The following GOLM2 variants were observed in gnomAD, a reference collection of about 807,000 sequenced individuals.
GOLM2 encodes protein GOLM2.
GOLM2 carries 26 observed loss-of-function variants against 55.9 expected under a neutral mutation model. The ratio of observed to expected loss-of-function variants is 0.47; its 90% confidence interval spans 0.34 to 0.65. GOLM2 has a LOEUF of 0.65. Among genes scored for constraint, GOLM2 ranks in the 30% least tolerant of loss-of-function variants. The probability of loss-of-function intolerance (pLI) is 0.01; values close to 1 mark genes in which losing one functional copy is unlikely to be tolerated. For synonymous variants in GOLM2, 165 were observed against 194.6 expected (o/e 0.85, Z 1.27); for missense variants, 486 against 531.8 (o/e 0.91, Z 0.85).
intron 6 of GOLM2, among the ~76,000 whole-genome samples, chr15:44,363,010 AT>A (rs2079253143): frequency 6.6e-6 from 1 of 152,198 alleles, no homozygotes; most frequent in Admixed American, 6.5e-5. Flanking sequence ...CTGAAGCTGG[AT>A]CCCTTCCTTA....
At chr15:44,303,019 A>G (rs2078809826) in intron 1 of GOLM2, among the ~76,000 whole-genome samples, 3 of 151,956 alleles carry the variant, frequency 2.0e-5, no homozygotes, top group Non-Finnish European at 2.9e-5. Context: ...AGGAGAATCA[A>G]TTGAACCTGG....
At chr15:44,382,935 A>G (rs1400623728) in intron 8 of GOLM2, among the ~76,000 whole-genome samples, 16 of 150,932 alleles carry the variant, frequency 1.1e-4, no homozygotes, top group African/African-American at 2.2e-4. Flanking sequence ...AAAAAAAAAA[A>G]AAAGAAAAGA....
intron 1 of GOLM2, among the ~76,000 whole-genome samples, chr15:44,316,287 T>G (rs2141124633): frequency 6.6e-6 from 1 of 151,932 alleles, no homozygotes; most frequent in African/African-American, 2.4e-5. Context: ...TCACAGCTAC[T>G]GAGTTCGAGT....
At chr15:44,336,285 T>C (rs1233362543) in intron 4 of GOLM2, among the ~76,000 whole-genome samples, 1 of 151,612 alleles carries the variant, frequency 6.6e-6, no homozygotes, top group Non-Finnish European at 1.5e-5. Flanking sequence ...CCCGGCTAAT[T>C]TTTTGTATTT....
At chr15:44,369,206 ATGTGTGTGTG>A (rs551489001) in intron 6 of GOLM2, among the ~76,000 whole-genome samples, 2 of 110,192 alleles carry the variant, frequency 1.8e-5, no homozygotes, top group Admixed American at 9.1e-5. Context: ...ATATATATAT[ATGTGTGTGTG>A]TGTGTGTGTG....
At chr15:44,332,168 C>T (rs1244662979) in intron 4 of GOLM2, 90 bp downstream of exon 4, 21 of 718,384 alleles carry the variant, frequency 2.9e-5, no homozygotes, top group Non-Finnish European at 4.7e-5. Context: ...TCACAAAACA[C>T]TATATTTTAA....
At chr15:44,343,228 G>A (rs1280859304) in intron 6 of GOLM2, among the ~76,000 whole-genome samples, 1 of 151,618 alleles carries the variant, frequency 6.6e-6, no homozygotes, top group Non-Finnish European at 1.5e-5. Context: ...AGCTACTCGG[G>A]AGGCTGAGGC....
intron 2 of GOLM2, 105 bp from the exon 3 acceptor site, chr15:44,328,580 G>T (rs1176647015): frequency 1.7e-5 from 11 of 636,364 alleles, no homozygotes; most frequent in Non-Finnish European, 2.1e-5. Flanking sequence ...TATTACTAAA[G>T]AAATTGAGAA....
At chr15:44,355,998 A>C (rs2079195907) in intron 6 of GOLM2, among the ~76,000 whole-genome samples, 1 of 152,228 alleles carries the variant, frequency 6.6e-6, no homozygotes. Context: ...CAAAGAAGAA[A>C]TCTCAGGAGA....
chr15:44,335,779 A>G (rs2079051964), intron 4 of GOLM2, among the ~76,000 whole-genome samples: 3 of 149,624 alleles, frequency 2.0e-5, no homozygotes, highest in African/African-American at 7.4e-5. Context: ...CTTCTTCACA[A>G]TTCTCTAGTT....
intron 6 of GOLM2, among the ~76,000 whole-genome samples, chr15:44,363,610 T>C (rs1015573123): frequency 2.6e-5 from 4 of 152,204 alleles, no homozygotes; most frequent in Non-Finnish European, 5.9e-5. Context: ...TGTAAACTAG[T>C]TCAACCATTG....
At chr15:44,412,303 A>G (rs1438763620) in intron 9 of GOLM2, among the ~76,000 whole-genome samples, 2 of 152,246 alleles carry the variant, frequency 1.3e-5, no homozygotes, top group Non-Finnish European at 2.9e-5. Context: ...ATCACAACTC[A>G]TAGCCAAGAA....
chr15:44,361,964 G>A (rs2079243483), intron 6 of GOLM2, among the ~76,000 whole-genome samples: 1 of 152,188 alleles, frequency 6.6e-6, no homozygotes, highest in Admixed American at 6.5e-5. Context: ...CTCGATAGAT[G>A]CAGAAAAGGC....
chr15:44,292,734 C>T (rs1379485066), intron 1 of GOLM2, among the ~76,000 whole-genome samples: 2 of 152,078 alleles, frequency 1.3e-5, no homozygotes, highest in Non-Finnish European at 2.9e-5. Flanking sequence ...AATGAGGACT[C>T]TCTGAGCTGC....
At chr15:44,404,434 A>C (rs915111255) in intron 9 of GOLM2, among the ~76,000 whole-genome samples, 1 of 152,156 alleles carries the variant, frequency 6.6e-6, no homozygotes, top group African/African-American at 2.4e-5. Flanking sequence ...CATATGTGCT[A>C]GGAGTTATAT....
At chr15:44,376,005 G>C (rs2079362102) in intron 6 of GOLM2, among the ~76,000 whole-genome samples, 1 of 152,152 alleles carries the variant, frequency 6.6e-6, no homozygotes, top group Admixed American at 6.5e-5. Context: ...GGGAGGCCGA[G>C]GTGGGCGGAT....
intron 1 of GOLM2, among the ~76,000 whole-genome samples, chr15:44,301,625 T>TA (rs998868811): frequency 1.3e-5 from 2 of 151,834 alleles, no homozygotes; most frequent in African/African-American, 2.4e-5. Flanking sequence ...AGTTGAGTCC[T>TA]AAAAAAAAGA....
intron 7 of GOLM2, among the ~76,000 whole-genome samples, chr15:44,380,550 G>T (rs2079394477): frequency 6.6e-6 from 1 of 151,354 alleles, no homozygotes; most frequent in Non-Finnish European, 1.5e-5. Context: ...TATCTTTTTG[G>T]TGAATAAGTT....
intron 1 of GOLM2, among the ~76,000 whole-genome samples, chr15:44,292,222 G>C (rs1030112456): frequency 1.4e-5 from 2 of 143,982 alleles, no homozygotes; most frequent in Non-Finnish European, 3.0e-5. Flanking sequence ...TTTTTAGACA[G>C]AGTCTCGCTC....
Sources: gnomAD v4.1 joint callset for allele counts (sites outside exome capture counted in the v4.1 genomes callset) on GRCh38, gnomAD v4.1.1 for gene constraint, MANE v1.5 for transcripts, NCBI Gene and HGNC (gene_info 2026-07-23, HGNC 2026-07-21) for gene names.